The following GATAD2A variants were observed in gnomAD, a reference collection of about 807,000 sequenced individuals.
GATAD2A encodes transcriptional repressor p66-alpha.
Under a neutral mutation model 68.5 loss-of-function variants are expected in GATAD2A, and 12 were observed. The observed-to-expected ratio is 0.18, with a 90% CI of 0.11 to 0.28. The LOEUF is 0.28. Among genes scored for constraint, GATAD2A ranks in the 10% least tolerant of loss-of-function variants. The pLI is 1.00. For synonymous variants in GATAD2A, 410 were observed against 375.3 expected, an observed-to-expected ratio of 1.09 and a Z score of -1.07; for missense variants, 755 against 868.5, an observed-to-expected ratio of 0.87 and a Z score of 1.64.
chr19:19,498,866 C>T, intron 8 of GATAD2A, 144 bp downstream of exon 8: 1 of 669,228 alleles, frequency 1.5e-6, no homozygotes, highest in South Asian at 1.8e-5. Flanking sequence ...GGGACACCGT[C>T]AGTGCCACTG....
At chr19:19,405,603 G>A (rs1397524316), upstream of GATAD2A, among the ~76,000 whole-genome samples, 1 of 151,848 alleles carries the variant, frequency 6.6e-6, no homozygotes, top group African/African-American at 2.4e-5. Context: ...TCAACTCAGG[G>A]GCCCGCCTTC....
In GATAD2A at chr19:19,444,209, C is replaced by T. The variant is rs79850010; in HGVS notation, c.-6-21131C>T. 7.4e-3 allele frequency among the ~76,000 whole-genome samples: 1,124 copies of T among 152,336 alleles called. 5 individuals are homozygous for T. Among genetic ancestry groups the T allele is most frequent in the Non-Finnish European group, 0.013 (852 of 68,030 alleles). ...CCCTGACTCTATGATGAAAACCATT[C>T]TCCCCTCCCCATTGGTATTGCCCAT... On this transcript the variant is annotated intron_variant, in intron 1 of 11. Coordinates refer to ENST00000683918, the MANE Select transcript of GATAD2A (RefSeq NM_001384528.1).
intron 1 of GATAD2A, among the ~76,000 whole-genome samples, chr19:19,427,309 A>G (rs183530572): frequency 6.6e-6 from 1 of 152,326 alleles, no homozygotes; most frequent in African/African-American, 2.4e-5. Flanking sequence ...CCACAATAAA[A>G]AAATGAACCT....
chr19:19,478,337 A>G (rs1033338198), intron 2 of GATAD2A, among the ~76,000 whole-genome samples: 1 of 152,200 alleles, frequency 6.6e-6, no homozygotes, highest in African/African-American at 2.4e-5. Context: ...GCAGTGGCTT[A>G]CGCCTGTAAT....
At chr19:19,492,783 G>C in intron 4 of GATAD2A, 71 bp downstream of exon 4, 1 of 1,525,738 alleles carries the variant, frequency 6.6e-7, no homozygotes, top group Non-Finnish European at 9.0e-7. Context: ...CCTCATCAAT[G>C]TCAGCGGCCA....
intron 1 of GATAD2A, among the ~76,000 whole-genome samples, chr19:19,408,277 G>A (rs916139210): frequency 6.6e-6 from 1 of 152,156 alleles, no homozygotes; most frequent in East Asian, 1.9e-4. Context: ...GAGCCACCAC[G>A]CCTGGCGGAT....
chr19:19,395,423 C>G (rs964311084), intron 1 of GATAD2A, among the ~76,000 whole-genome samples: 1 of 152,038 alleles, frequency 6.6e-6, no homozygotes, highest in African/African-American at 2.4e-5. Flanking sequence ...CCACTGCACT[C>G]CAGCCTGGGC....
At chr19:19,415,539 T>C (rs1568714021) in intron 1 of GATAD2A, among the ~76,000 whole-genome samples, 1 of 151,648 alleles carries the variant, frequency 6.6e-6, no homozygotes. Context: ...AACCTCCGCT[T>C]CCCAGATTCA....
At chr19:19,438,878 G>A (rs1354481418) in intron 1 of GATAD2A, among the ~76,000 whole-genome samples, 1 of 152,244 alleles carries the variant, frequency 6.6e-6, no homozygotes, top group African/African-American at 2.4e-5. Context: ...GTGTCAGCTT[G>A]TGTGCACTTT....
intron 1 of GATAD2A, among the ~76,000 whole-genome samples, chr19:19,451,324 T>C (rs996069722): frequency 6.6e-6 from 1 of 152,076 alleles, no homozygotes; most frequent in African/African-American, 2.4e-5. Flanking sequence ...GATATTGCAG[T>C]GAGCCGAGAT....
At position 19,445,889 on chromosome 19, in the gene GATAD2A, A is replaced by AT. The variant is rs971226774; in HGVS notation, c.-6-19442dup. Among the ~76,000 whole-genome samples, 21 of 151,068 alleles carry AT rather than the reference A, an allele frequency of 1.4e-4. No individual in the cohort carries two copies. In the East Asian group the frequency reaches 1.9e-3, roughly 14 times the overall value. On this transcript the variant is annotated intron_variant, in intron 1 of 11. Coordinates refer to ENST00000683918, the MANE Select transcript of GATAD2A (RefSeq NM_001384528.1). ...TGTTGCTTTTAACATTCACCTGCAC[A>AT]TTTTTTTTTGAATACCTATATTCAG...
chr19:19,498,524 A>G lies in GATAD2A; in HGVS notation c.1006A>G (p.Thr336Ala), dbSNP rs775862839. 6.2e-7 allele frequency: 1 copy of G among 1,613,672 alleles called. No homozygotes were observed. The highest frequency in any genetic ancestry group is 1.1e-5 in the South Asian group (1 of 91,074). Residue 336 changes from threonine to alanine, a missense_variant, in exon 8 of 12, where the codon ACC becomes GCC. Thr to Ala is a moderately conservative substitution (Grantham distance 58). Transcript: ENST00000683918. ...STPTSVASVVTSAESPASRQA... is the reference protein window; with the variant it reads ...STPTSVASVVASAESPASRQA... ...CCCCACTAGTGTGGCCTCTGTGGTCACCTCTGCCGAGTCTCCAGCAAGCCG... is the reference window on the plus strand; with the variant it reads ...CCCCACTAGTGTGGCCTCTGTGGTCGCCTCTGCCGAGTCTCCAGCAAGCCG...
intron 1 of GATAD2A, among the ~76,000 whole-genome samples, chr19:19,432,289 GTTTTGT>G (rs762553208): frequency 1.6e-4 from 25 of 151,818 alleles, no homozygotes; most frequent in Middle Eastern, 3.4e-3. Flanking sequence ...TTTTTGTTTT[GTTTTGT>G]TTTTGTTTTT....
rs11436420 is a variant in GATAD2A at position 19,415,958 on chromosome 19, G to GTT, written c.-7+9946_-7+9947dup. On this transcript the variant is annotated intron_variant, in intron 1 of 11. Coordinates refer to ENST00000683918, the MANE Select transcript of GATAD2A (RefSeq NM_001384528.1). ...GCATAAAACTACTTTTCCCTGTATG[G>GTT]TTTTTTTTCCCCCCCAAGAGACATG... is the stretch of plus-strand genomic sequence containing the variant. Among the ~76,000 whole-genome samples, 499 of 151,094 alleles carry GTT rather than the reference G, an allele frequency of 3.3e-3. 3 individuals are homozygous for GTT. The highest frequency in any genetic ancestry group is 0.012 in the African/African-American group (485 of 41,052).
At chr19:19,439,111 A>G (rs1013175766) in intron 1 of GATAD2A, among the ~76,000 whole-genome samples, 37 of 152,336 alleles carry the variant, frequency 2.4e-4, no homozygotes, top group African/African-American at 7.9e-4. Flanking sequence ...CTGGCCCTCA[A>G]TGTGCCCAGC....
At chr19:19,475,311 T>C (rs1030085393) in intron 2 of GATAD2A, among the ~76,000 whole-genome samples, 2 of 152,366 alleles carry the variant, frequency 1.3e-5, no homozygotes, top group South Asian at 4.1e-4. Context: ...GGCTGCCTCC[T>C]ACAGCCCTCT....
At position 19,501,350 on chromosome 19, in the gene GATAD2A, G is replaced by T; in HGVS notation, c.1437G>T (p.Gln479His). Residue 479 changes from glutamine to histidine, a missense_variant, in exon 9 of 12, where the codon CAG becomes CAT. By Grantham distance (24) the Gln-to-His change is conservative. Transcript: ENST00000683918. ...QEQEIEQRLL[Q>H]QGTAPAQAKA... ...AGGAGATTGAGCAGCGGCTCCTGCA[G>T]CAGGGCACGGCCCCTGCACAGGCCA... The T allele has an allele frequency of 6.2e-7, 1 of 1,612,026 alleles. No individual in the cohort carries two copies. The highest frequency in any genetic ancestry group is 8.5e-7 in the Non-Finnish European group (1 of 1,179,602).
intron 6 of GATAD2A, 40 bp downstream of exon 6, chr19:19,495,925 C>T (rs766629654): frequency 1.3e-6 from 2 of 1,599,770 alleles, no homozygotes; most frequent in African/African-American, 1.3e-5. Flanking sequence ...CTGGCAGCCT[C>T]AGCAGTCGTC....
At chr19:19,395,897 G>A (rs2049203884) in intron 1 of GATAD2A, among the ~76,000 whole-genome samples, 1 of 152,142 alleles carries the variant, frequency 6.6e-6, no homozygotes, top group Admixed American at 6.6e-5. Context: ...AACTTCAAGT[G>A]GCCTACTCTT....
Sources: allele counts gnomAD v4.1 joint callset (sites outside exome capture counted in the v4.1 genomes callset), GRCh38; gene constraint gnomAD v4.1.1; transcripts MANE v1.5; gene names NCBI Gene and HGNC (gene_info 2026-07-23, HGNC 2026-07-21).